ABR: variants seen among roughly 807,000 people sequenced by gnomAD.
ABR encodes ABR activator of RhoGEF and GTPase, also known as active breakpoint cluster region-related protein.
ABR carries 35 observed loss-of-function variants against 107.2 expected under a neutral mutation model. The observed-to-expected ratio is 0.33, with a 90% CI of 0.25 to 0.43. The LOEUF (loss-of-function observed/expected upper bound fraction) is 0.43. Ranked by LOEUF, ABR falls within the 20% of genes least tolerant of loss-of-function variation. The pLI, the probability that ABR is intolerant of heterozygous loss-of-function variation, is 1.00. For missense variants in ABR, 815 were observed against 1,115.2 expected, an observed-to-expected ratio of 0.73 and a Z score of 3.83; for synonymous variants, 498 against 462.0, an observed-to-expected ratio of 1.08 and a Z score of -1.00.
intron 1 of ABR, among the ~76,000 whole-genome samples, chr17:1,161,866 C>T (rs1226575817): frequency 6.6e-6 from 1 of 152,124 alleles, no homozygotes; most frequent in Admixed American, 6.6e-5. Flanking sequence ...GAAGTCACTC[C>T]TTTTACAGCC....
At chr17:1,159,700 AATGCGGTACTCACGCACAAGGGAAGT>A (rs137956838) in intron 1 of ABR, among the ~76,000 whole-genome samples, 56 of 85,028 alleles carry the variant, frequency 6.6e-4, no homozygotes, top group Non-Finnish European at 1.2e-3. Flanking sequence ...GAGAAGCAGG[AATGCGGTACTCACGCACAAGGGAAGT>A]ATGCGGTACT....
intron 3 of ABR, among the ~76,000 whole-genome samples, chr17:1,093,330 G>A (rs952304392): frequency 1.3e-5 from 2 of 152,010 alleles, no homozygotes; most frequent in Admixed American, 6.6e-5. Context: ...TTAGCTGGGC[G>A]TGGTGGTGCA....
intron 21 of ABR, 115 bp from the exon 22 acceptor site, chr17:1,007,427 C>T (rs2070139539): frequency 1.6e-6 from 2 of 1,284,104 alleles, no homozygotes; most frequent in African/African-American, 1.5e-5. Context: ...GGGGTCACCT[C>T]GTCTCTGTCT....
chr17:1,061,826 T>A (rs1000916563), intron 10 of ABR, among the ~76,000 whole-genome samples: 1 of 152,156 alleles, frequency 6.6e-6, no homozygotes, highest in Admixed American at 6.6e-5. Context: ...GGATTACCGG[T>A]GTAAACCACC....
chr17:1,079,164 G>GCACACGCGCACTCAGCTCACACT, intron 6 of ABR, 166 bp downstream of exon 6: 1 of 1,451,764 alleles, frequency 6.9e-7, no homozygotes, highest in Non-Finnish European at 9.1e-7. Flanking sequence ...TCGCGTGCGC[G>GCACACGCGCACTCAGCTCACACT]CACACGCGCA....
rs36105392 is a variant in ABR at position 1,114,469 on chromosome 17, C to CAA, written c.246+10712_246+10713dup. ...TGGGCGACAGAGCAAGACTCTGTCTCAAAAAAAAAAAAAAAAATTATGGCC... is the reference window on the plus strand; with the variant it reads ...TGGGCGACAGAGCAAGACTCTGTCTCAAAAAAAAAAAAAAAAAAATTATGGCC... On this transcript the variant is annotated intron_variant, in intron 2 of 22. Coordinates refer to ENST00000302538, the MANE Select transcript of ABR (RefSeq NM_021962.5). 4.5e-3 allele frequency among the ~76,000 whole-genome samples: 422 copies of CAA among 93,792 alleles called. 1 individual carries two copies. The highest frequency in any genetic ancestry group is 6.4e-3 in the Non-Finnish European group (282 of 43,834). The allele number at this position is 93,792 out of a possible 152,430, so 61.5% of individuals were successfully genotyped here.
chr17:1,121,677 C>A (rs2039358038), intron 2 of ABR, among the ~76,000 whole-genome samples: 1 of 147,244 alleles, frequency 6.8e-6, no homozygotes, highest in African/African-American at 2.6e-5. Context: ...GGAGCTGAGT[C>A]CCCCAGGCAG....
chr17:1,141,578 A>G (rs1233266902), intron 1 of ABR, among the ~76,000 whole-genome samples: 1 of 152,146 alleles, frequency 6.6e-6, no homozygotes, highest in Non-Finnish European at 1.5e-5. Context: ...AGCTATTATC[A>G]TTATTCCCCT....
intron 14 of ABR, among the ~76,000 whole-genome samples, chr17:1,054,137 A>G (rs1597572562): frequency 6.6e-6 from 1 of 152,336 alleles, no homozygotes; most frequent in South Asian, 2.1e-4. Context: ...CCTCGTGTGT[A>G]AAACAGGGAT....
intron 16 of ABR, among the ~76,000 whole-genome samples, chr17:1,015,721 G>A (rs1193724705): frequency 6.6e-6 from 1 of 152,162 alleles, no homozygotes; most frequent in Non-Finnish European, 1.5e-5. Context: ...GTCTCCCAAA[G>A]TGCTGGGATT....
intron 4 of ABR, among the ~76,000 whole-genome samples, chr17:1,089,938 C>T (rs780887827): frequency 1.6e-4 from 25 of 152,090 alleles, no homozygotes; most frequent in African/African-American, 4.6e-4. Context: ...CCAGCCTGGG[C>T]GACAGGAGTG....
At chr17:1,061,748 T>G (rs139324955) in intron 10 of ABR, among the ~76,000 whole-genome samples, 1,755 of 152,224 alleles carry the variant, frequency 0.012, 19 homozygotes, top group Middle Eastern at 0.027. Flanking sequence ...GGCTTCATGA[T>G]GTTGGCCAGG....
chr17:1,037,763 G>T lies in ABR; in HGVS notation c.1791+12287C>A, dbSNP rs989900794. Among the ~76,000 whole-genome samples, 1 of 152,024 alleles carries T rather than the reference G, an allele frequency of 6.6e-6. No homozygotes were observed. The highest frequency in any genetic ancestry group is 2.1e-4 in the South Asian group (1 of 4,824). ...GGCCTGAAGGTGGGATGGGGTCGCC[G>T]AGCCTCCCTGCTCTTTCTTCATTCT... On this transcript the variant is annotated intron_variant, in intron 16 of 22. Transcript: ENST00000302538. The surrounding 1 kb of genome is among the most constrained non-coding windows in gnomAD (Gnocchi z 4.6).
rs2035947499 is a variant in ABR at position 1,078,750 on chromosome 17, C to T, written c.700+580G>A. ...CTAACCTCCCCGGCCACATCTAAGC[C>T]CACTCCAGCCGGCCCCCAGAGGTGG... is the stretch of plus-strand genomic sequence containing the variant. On this transcript the variant is annotated intron_variant, in intron 6 of 22. Transcript: ENST00000302538. The surrounding 1 kb of genome is among the most constrained non-coding windows in gnomAD (Gnocchi z 7.5). 1 of 1,505,912 alleles carries T rather than the reference C, an allele frequency of 6.6e-7. No homozygotes were observed. Among genetic ancestry groups the T allele is most frequent in the Non-Finnish European group, 8.9e-7 (1 of 1,121,334 alleles). 93.3% of individuals were successfully genotyped at this position (1,505,912 alleles called of 1,614,324 possible). A position where few individuals can be genotyped will look rare whatever the true frequency, so the allele number is the denominator to read the frequency against.
intron 9 of ABR, among the ~76,000 whole-genome samples, chr17:1,068,431 C>T (rs2034939977): frequency 6.6e-6 from 1 of 152,060 alleles, no homozygotes; most frequent in South Asian, 2.1e-4. Context: ...CTGTGGAGTC[C>T]CCTGTGCTGT....
At chr17:1,151,800 A>G (rs1259419084) in intron 1 of ABR, among the ~76,000 whole-genome samples, 1 of 152,262 alleles carries the variant, frequency 6.6e-6, no homozygotes, top group Non-Finnish European at 1.5e-5. Context: ...GGGAGAGGAT[A>G]CAATAGAAAG....
upstream of ABR, among the ~76,000 whole-genome samples, chr17:1,187,824 G>A (rs138959673): frequency 0.027 from 4,082 of 151,934 alleles, 192 homozygotes; most frequent in African/African-American, 0.093. Flanking sequence ...AACCTGGGTG[G>A]CGGAGGTTGC....
At chr17:1,079,240 C>T in intron 6 of ABR, 90 bp downstream of exon 6, 3 of 1,540,514 alleles carry the variant, frequency 1.9e-6, no homozygotes, top group East Asian at 2.4e-5. Context: ...CACGCACACA[C>T]AAGGGGAAGG....
chr17:1,187,445 A>C (rs1259326905), upstream of ABR: 1 of 152,290 alleles, frequency 6.6e-6, no homozygotes, highest in East Asian at 1.9e-4. Flanking sequence ...GCCTGGACAA[A>C]AATCTCCAGC....
Sources: allele counts gnomAD v4.1 joint callset (sites outside exome capture counted in the v4.1 genomes callset), GRCh38; gene constraint gnomAD v4.1.1; non-coding constraint Gnocchi (gnomAD v3.1); transcripts MANE v1.5; gene names NCBI Gene and HGNC (gene_info 2026-07-23, HGNC 2026-07-21).